LRRC3B: variants seen among roughly 807,000 people sequenced by gnomAD.
The protein encoded by LRRC3B is leucine rich repeat containing 3B.
In LRRC3B, 2 loss-of-function variants were observed where a neutral mutation model predicts 12.8. That is an observed-to-expected ratio of 0.16 (90% confidence interval 0.06 to 0.49). The LOEUF (loss-of-function observed/expected upper bound fraction) is 0.49. LRRC3B is among the 20% of genes least tolerant of loss of function. The pLI is 0.96. For synonymous variants in LRRC3B, 132 were observed against 122.0 expected, an observed-to-expected ratio of 1.08 and a Z score of -0.54; for missense variants, 189 against 319.4, an observed-to-expected ratio of 0.59 and a Z score of 3.11.
chr3:26,671,373 T>TATATATAGAGAGAGAG (rs1261897533), intron 1 of LRRC3B, among the ~76,000 whole-genome samples: 14 of 28,254 alleles, frequency 5.0e-4, no homozygotes, highest in East Asian at 2.5e-3. Context: ...TATATATATA[T>TATATATAGAGAGAGAG]AGAGAGAGAG....
chr3:26,669,216 T>C (rs1349876135), intron 1 of LRRC3B, among the ~76,000 whole-genome samples: 1 of 152,238 alleles, frequency 6.6e-6, no homozygotes, highest in Non-Finnish European at 1.5e-5. Flanking sequence ...TTTGTGAAGG[T>C]GAAAGCAAAA....
chr3:26,696,198 AAAAG>A (rs1408544320), intron 1 of LRRC3B, among the ~76,000 whole-genome samples: 2 of 152,250 alleles, frequency 1.3e-5, no homozygotes, highest in South Asian at 2.1e-4. Flanking sequence ...ACAACCCTGA[AAAAG>A]AAACACAAAA....
chr3:26,674,232 G>A (rs987435391), intron 1 of LRRC3B, among the ~76,000 whole-genome samples: 1 of 152,156 alleles, frequency 6.6e-6, no homozygotes, highest in Non-Finnish European at 1.5e-5. Context: ...AAGTCTGTGG[G>A]AGGTTGCACC....
intron 1 of LRRC3B, among the ~76,000 whole-genome samples, chr3:26,663,189 T>G (rs1699530572): frequency 6.6e-6 from 1 of 152,150 alleles, no homozygotes; most frequent in South Asian, 2.1e-4. Flanking sequence ...TTAGCTTGAT[T>G]GAGTTCTGTC....
chr3:26,691,785 C>T (rs1345415672), intron 1 of LRRC3B, among the ~76,000 whole-genome samples: 2 of 149,774 alleles, frequency 1.3e-5, no homozygotes, highest in African/African-American at 5.1e-5. Context: ...AAGCCTTTTG[C>T]AGACATAATA....
At chr3:26,666,237 G>T (rs147534590) in intron 1 of LRRC3B, among the ~76,000 whole-genome samples, 2 of 151,988 alleles carry the variant, frequency 1.3e-5, no homozygotes, top group East Asian at 1.9e-4. Flanking sequence ...CAGAGTAACC[G>T]CAAGGAAAAG....
Position 26,671,373 on chromosome 3 carries a change from T to TAGAGAGAGAGAGAGAGAGAGAGAG in LRRC3B, c.-160-38122_-160-38099dup, listed in dbSNP as rs1195473054. Among the ~76,000 whole-genome samples, 32 of 28,254 alleles carry TAGAGAGAGAGAGAGAGAGAGAGAG rather than the reference T, an allele frequency of 1.1e-3. 1 individual carries two copies. Among genetic ancestry groups the TAGAGAGAGAGAGAGAGAGAGAGAG allele is most frequent in the Non-Finnish European group, 1.7e-3 (28 of 16,774 alleles). The allele number at this position is 28,254 out of a possible 152,430, so 18.5% of individuals were successfully genotyped here. A position where few individuals can be genotyped will look rare whatever the true frequency, so the allele number is the denominator to read the frequency against. On this transcript the variant is annotated intron_variant, in intron 1 of 1. Coordinates refer to ENST00000396641, the Ensembl canonical transcript of LRRC3B. ...GTGTATATATATATATATATATATA[T>TAGAGAGAGAGAGAGAGAGAGAGAG]AGAGAGAGAGAGAGAGAGAGAGAGA... is the stretch of plus-strand genomic sequence containing the variant.
intron 1 of LRRC3B, among the ~76,000 whole-genome samples, chr3:26,661,631 T>C (rs533653557): frequency 3.2e-4 from 49 of 152,304 alleles, no homozygotes; most frequent in Admixed American, 1.0e-3. Flanking sequence ...TAGCCAACTT[T>C]ATAGAATAAA....
At chr3:26,664,381 T>A (rs1699556185) in intron 1 of LRRC3B, among the ~76,000 whole-genome samples, 1 of 152,190 alleles carries the variant, frequency 6.6e-6, no homozygotes. Flanking sequence ...CCACGACTAC[T>A]GCTACTACCC....
intron 1 of LRRC3B, among the ~76,000 whole-genome samples, chr3:26,685,247 C>T (rs1205448124): frequency 2.6e-5 from 4 of 152,040 alleles, no homozygotes; most frequent in Non-Finnish European, 5.9e-5. Context: ...GGTACTGTGC[C>T]TGGCCCACAT....
At chr3:26,645,574 A>G (rs139806253) in intron 1 of LRRC3B, among the ~76,000 whole-genome samples, 141 of 152,158 alleles carry the variant, frequency 9.3e-4, no homozygotes, top group Non-Finnish European at 1.7e-3. Flanking sequence ...AGATATATAC[A>G]CATGTATAAT....
chr3:26,671,369 T>TAGAGAGAGAGAGAGAGAG (rs773929815), intron 1 of LRRC3B, among the ~76,000 whole-genome samples: 37 of 38,182 alleles, frequency 9.7e-4, no homozygotes, highest in East Asian at 3.0e-3. Flanking sequence ...TATATATATA[T>TAGAGAGAGAGAGAGAGAG]ATATAGAGAG....
chr3:26,668,330 T>G (rs545789854), intron 1 of LRRC3B, among the ~76,000 whole-genome samples: 1 of 152,144 alleles, frequency 6.6e-6, no homozygotes, highest in South Asian at 2.1e-4. Flanking sequence ...ATCATGACAT[T>G]AGAGAGCTTA....
At chr3:26,674,798 C>T (rs1392995664) in intron 1 of LRRC3B, among the ~76,000 whole-genome samples, 1 of 152,160 alleles carries the variant, frequency 6.6e-6, no homozygotes, top group African/African-American at 2.4e-5. Context: ...AACCTACAAC[C>T]TTCTCTCTAC....
intron 1 of LRRC3B, chr3:26,625,448 A>C (rs1698604661): frequency 6.6e-6 from 1 of 152,230 alleles, no homozygotes. Flanking sequence ...CACAAAGGCC[A>C]CACCCTCACA....
At chr3:26,696,656 C>A (rs147336534) in intron 1 of LRRC3B, among the ~76,000 whole-genome samples, 3 of 152,146 alleles carry the variant, frequency 2.0e-5, no homozygotes, top group Non-Finnish European at 4.4e-5. Flanking sequence ...ATTCTGTGGG[C>A]CCCTCACTGT....
chr3:26,638,303 A>G (rs1259555661), intron 1 of LRRC3B, among the ~76,000 whole-genome samples: 1 of 152,244 alleles, frequency 6.6e-6, no homozygotes, highest in African/African-American at 2.4e-5. Context: ...ATATGAAAAA[A>G]AAAGTTGTGA....
chr3:26,666,510 A>G (rs1351679532), intron 1 of LRRC3B, among the ~76,000 whole-genome samples: 1 of 152,090 alleles, frequency 6.6e-6, no homozygotes, highest in Non-Finnish European at 1.5e-5. Flanking sequence ...ATCTCAACCA[A>G]TCCTGCCAAC....
intron 1 of LRRC3B, among the ~76,000 whole-genome samples, chr3:26,632,363 T>C: frequency 6.6e-6 from 1 of 152,204 alleles, no homozygotes; most frequent in East Asian, 1.9e-4. Flanking sequence ...TATGGCTTAA[T>C]AGATCCTTGT....
Sources: allele counts gnomAD v4.1 joint callset (sites outside exome capture counted in the v4.1 genomes callset), GRCh38; gene constraint gnomAD v4.1.1; transcripts MANE v1.5; gene names NCBI Gene and HGNC (gene_info 2026-07-23, HGNC 2026-07-21).